The following SLCO4A1 variants were observed in gnomAD, a reference collection of about 807,000 sequenced individuals.
SLCO4A1 encodes colon organic anion transporter.
Under a neutral mutation model 64.6 loss-of-function variants are expected in SLCO4A1, and 51 were observed. That is an observed-to-expected ratio of 0.79 (90% CI 0.63 to 1.00). The LOEUF (loss-of-function observed/expected upper bound fraction) is 1.00, where lower values mean the gene tolerates loss of function less well. SLCO4A1 is among the 50% of genes least tolerant of loss of function. SLCO4A1 has a pLI of 0.00. For synonymous variants in SLCO4A1, 471 were observed against 444.9 expected, an observed-to-expected ratio of 1.06 and a Z score of -0.74; for missense variants, 919 against 980.5, an observed-to-expected ratio of 0.94 and a Z score of 0.84.
In SLCO4A1 at chr20:62,661,415, C is replaced by T. The variant is rs977413880; in HGVS notation, c.1121+240C>T. 2.6e-5 allele frequency among the ~76,000 whole-genome samples: 4 copies of T among 152,076 alleles called. No homozygotes were observed. Among genetic ancestry groups the T allele is most frequent in the South Asian group, 2.1e-4 (1 of 4,826 alleles). On this transcript the variant is annotated intron_variant, in intron 5 of 11. Transcript: ENST00000217159. This position sits in a 1 kb window ranked among gnomAD's most constrained non-coding sequence, Gnocchi z 5.2. The stretch of plus-strand genomic sequence containing the variant: ...CCAGAGTGGGGCCGGGGCCTCGGCC[C>T]GCACCCAGGGAGCCATCACTTCACT...
chr20:62,655,968 T>C (rs1388229691), intron 1 of SLCO4A1, among the ~76,000 whole-genome samples: 1 of 152,220 alleles, frequency 6.6e-6, no homozygotes, highest in Non-Finnish European at 1.5e-5. Flanking sequence ...CGGGGTGACC[T>C]GGGACCCCAG....
At chr20:62,684,453 G>A (rs1358208220) in intron 2 of SLCO4A1, among the ~76,000 whole-genome samples, 2 of 152,186 alleles carry the variant, frequency 1.3e-5, no homozygotes, top group African/African-American at 4.8e-5. Context: ...CCCCCACCAG[G>A]CTACGCTGCC....
chr20:62,668,727 C>G (rs1426269660), intron 10 of SLCO4A1, among the ~76,000 whole-genome samples, 186 bp downstream of exon 10: 4 of 152,134 alleles, frequency 2.6e-5, no homozygotes, highest in Non-Finnish European at 5.9e-5. Flanking sequence ...CAAAGGCTTT[C>G]CCTGGGAGAT....
rs1439869742 is a variant in SLCO4A1, at chr20:62,656,796, C to G, written c.342C>G (p.Phe114Leu). The G allele has an allele frequency of 1.9e-6, 3 of 1,612,932 alleles. No individual in the cohort carries two copies. In the Admixed American group the frequency reaches 5.0e-5, roughly 27 times the overall value. The change falls in exon 2 of 12, where the codon TTC (phenylalanine) becomes TTG (leucine). Residue 114 changes from phenylalanine to leucine, a missense_variant. Phe to Leu is a conservative substitution (Grantham distance 22). Coordinates refer to ENST00000217159, the MANE Select transcript of SLCO4A1 (RefSeq NM_016354.4). The stretch of plus-strand genomic sequence containing the variant: ...TGTTCTTCCTGTGTGCGGCCGCATT[C>G]CTGCAGGGGATGACTGTGAATGGCT... ...GILFFLCAAA[F>L]LQGMTVNGFI...
intron 1 of SLCO4A1, among the ~76,000 whole-genome samples, chr20:62,647,030 G>T (rs1303820871): frequency 6.6e-6 from 1 of 152,262 alleles, no homozygotes; most frequent in Admixed American, 6.5e-5. Context: ...TTCATTGTCG[G>T]CCCCATACAA....
chr20:62,677,615 A>G (rs972651991), intron 2 of SLCO4A1, among the ~76,000 whole-genome samples: 5 of 152,106 alleles, frequency 3.3e-5, no homozygotes, highest in African/African-American at 1.2e-4. Flanking sequence ...CTGCACTCCA[A>G]CCCCACTGAG....
chr20:62,642,614 G>A (rs535145502), intron 1 of SLCO4A1, 61 bp downstream of exon 1: 1 of 167,958 alleles, frequency 6.0e-6, no homozygotes, highest in Non-Finnish European at 1.3e-5. Context: ...GCTGGCGTAG[G>A]AGCGCGGCAG....
chr20:62,665,007 A>G lies in SLCO4A1; in HGVS notation c.1195A>G (p.Ile399Val), dbSNP rs761530302. 75 of 1,613,894 alleles carry G rather than the reference A, an allele frequency of 4.6e-5. 3 individuals carry two copies. The South Asian group carries it at 6.1e-4, about 13-fold the overall frequency. Residue 399 changes from isoleucine to valine, a missense_variant, in exon 6 of 12, where the codon ATC becomes GTC. Ile to Val is a conservative substitution (Grantham distance 29). Coordinates refer to ENST00000217159, the MANE Select transcript of SLCO4A1 (RefSeq NM_016354.4). The stretch of plus-strand genomic sequence containing the variant: ...GGCCGGGGCCACCGAGGCCACTCTC[A>G]TCACCGGCATGTCCACGTTCAGCCC... ...CLAGATEATL[I>V]TGMSTFSPKF...
In SLCO4A1 at chr20:62,656,979, G is replaced by A; in HGVS notation, c.525G>A (p.Trp175Ter). The A allele has an allele frequency of 6.4e-7, 1 of 1,567,332 alleles. No individual in the cohort carries two copies. Among genetic ancestry groups the A allele is most frequent in the East Asian group, 2.3e-5 (1 of 44,192 alleles). ...GSGHKPRWLG[W>*]GVLLMGTGSL... ...GGCACAAGCCGCGCTGGCTGGGCTGGGGCGTGCTGCTTATGGGCACGGGGT... is the reference window on the plus strand; with the variant it reads ...GGCACAAGCCGCGCTGGCTGGGCTGAGGCGTGCTGCTTATGGGCACGGGGT... The change falls in exon 2 of 12, where the codon TGG becomes TGA. Residue 175 changes from tryptophan (W) to a stop codon, truncating the protein, a stop_gained. Coordinates refer to ENST00000217159, the MANE Select transcript of SLCO4A1 (RefSeq NM_016354.4). LOFTEE classifies it high-confidence loss of function.
chr20:62,680,568 GGT>G (rs1491256760), intron 2 of SLCO4A1, among the ~76,000 whole-genome samples: 5 of 100,584 alleles, frequency 5.0e-5, no homozygotes, highest in African/African-American at 1.8e-4. Flanking sequence ...GTTTGCTGAT[GGT>G]TTTTTTTTTT....
chr20:62,689,690 A>T (rs538554773), downstream of SLCO4A1, among the ~76,000 whole-genome samples: 14 of 152,002 alleles, frequency 9.2e-5, 1 homozygote, highest in Non-Finnish European at 1.5e-5. Context: ...AGACCCCCAG[A>T]CCCTCCGGAA....
At chr20:62,660,029 G>A (rs558647582) in intron 3 of SLCO4A1, among the ~76,000 whole-genome samples, 55 of 152,312 alleles carry the variant, frequency 3.6e-4, no homozygotes, top group African/African-American at 1.2e-3. Context: ...GCCCTCTGGC[G>A]TCCCTGGGAA....
Position 62,656,241 on chromosome 20 carries a change from A to G in SLCO4A1, c.-96-118A>G, listed in dbSNP as rs1035596118. On this transcript the variant is annotated intron_variant, in intron 1 of 11. Transcript: ENST00000217159. ...CCACCCTGGATTTGGGAGGCTCTTG[A>G]GACAAGGCAGGCAGAGCTTTGAGCC... The G allele has an allele frequency of 1.7e-5, 9 of 535,288 alleles. No homozygotes were observed. In the South Asian group the frequency reaches 2.1e-4, roughly 13 times the overall value. 33.2% of individuals were successfully genotyped at this position (535,288 alleles called of 1,614,324 possible). A position where few individuals can be genotyped will look rare whatever the true frequency, so the allele number is the denominator to read the frequency against.
chr20:62,680,413 A>T (rs527245538), intron 2 of SLCO4A1, among the ~76,000 whole-genome samples: 2 of 152,342 alleles, frequency 1.3e-5, no homozygotes, highest in African/African-American at 4.8e-5. Context: ...GGGAACGGTG[A>T]GAGAAGGCAT....
At chr20:62,666,838 C>T (rs1986437507) in intron 7 of SLCO4A1, 4 of 502,874 alleles carry the variant, frequency 8.0e-6, no homozygotes, top group East Asian at 6.5e-5. Flanking sequence ...CCTCAGCACT[C>T]TGCTCTGTAG....
At chr20:62,684,751 C>T (rs769400280) in intron 2 of SLCO4A1, among the ~76,000 whole-genome samples, 13 of 152,118 alleles carry the variant, frequency 8.5e-5, no homozygotes, top group Non-Finnish European at 8.8e-5. Context: ...CCCGCCAGGG[C>T]GATCAGGGGT....
chr20:62,657,435 A>G (rs887523900), intron 2 of SLCO4A1, among the ~76,000 whole-genome samples, 185 bp downstream of exon 2: 2 of 152,182 alleles, frequency 1.3e-5, no homozygotes, highest in Non-Finnish European at 2.9e-5. Flanking sequence ...AGCTGATGTA[A>G]GGGACTCCGG....
At chr20:62,681,891 T>TG (rs1271007225) in intron 2 of SLCO4A1, among the ~76,000 whole-genome samples, 1 of 150,716 alleles carries the variant, frequency 6.6e-6, no homozygotes, top group Non-Finnish European at 1.5e-5. Flanking sequence ...TTGGGTGAGT[T>TG]TGGTAGTTTG....
downstream of SLCO4A1, among the ~76,000 whole-genome samples, chr20:62,674,148 TC>T (rs1374333753): frequency 1.3e-5 from 2 of 152,122 alleles, no homozygotes; most frequent in African/African-American, 4.8e-5. Flanking sequence ...CAGAGCTACG[TC>T]CCGTGGTCCC....
Sources: gnomAD v4.1 joint callset for allele counts (sites outside exome capture counted in the v4.1 genomes callset) on GRCh38, gnomAD v4.1.1 for gene constraint, Gnocchi (gnomAD v3.1) non-coding constraint, MANE v1.5 for transcripts, NCBI Gene and HGNC (gene_info 2026-07-23, HGNC 2026-07-21) for gene names.